Variants in MPP3 observed in about 807,000 individuals in gnomAD.
The protein encoded by MPP3 is MAGUK p55 scaffold protein 3.
Under a neutral mutation model 80.7 loss-of-function variants are expected in MPP3, and 48 were observed. The ratio of observed to expected loss-of-function variants is 0.59; its 90% CI spans 0.47 to 0.76. The LOEUF (loss-of-function observed/expected upper bound fraction) is 0.76. Among genes scored for constraint, MPP3 ranks in the 30% least tolerant of loss-of-function variants. MPP3 has a pLI of 0.00. For missense variants in MPP3, 620 were observed against 763.0 expected (o/e 0.81, Z 2.21); for synonymous variants, 311 against 297.6 (o/e 1.04, Z -0.46).
intron 19 of MPP3, among the ~76,000 whole-genome samples, chr17:43,807,239 C>G (rs2154591136): frequency 6.6e-6 from 1 of 152,024 alleles, no homozygotes; most frequent in South Asian, 2.1e-4. Context: ...TCCCAAAGTG[C>G]TGGGATTATA....
intron 19 of MPP3, among the ~76,000 whole-genome samples, chr17:43,808,268 C>T (rs921307442): frequency 3.3e-5 from 5 of 152,160 alleles, no homozygotes; most frequent in Non-Finnish European, 7.4e-5. Flanking sequence ...AAAGTCTATT[C>T]TGGGACTGAG....
intron 16 of MPP3, among the ~76,000 whole-genome samples, chr17:43,812,791 G>C (rs575836034): frequency 6.6e-6 from 1 of 152,310 alleles, no homozygotes; most frequent in South Asian, 2.1e-4. Context: ...AGCAACCTCT[G>C]CATGTCCTGT....
chr17:43,829,980 C>T (rs1472597928), intron 6 of MPP3, 47 bp downstream of exon 6: 2 of 1,593,280 alleles, frequency 1.3e-6, no homozygotes, highest in Non-Finnish European at 1.7e-6. Flanking sequence ...CCGCCCCCAT[C>T]CCAGGAGACC....
At chr17:43,827,934 AG>A in intron 7 of MPP3, 102 bp from the exon 8 acceptor site, 1 of 1,071,334 alleles carries the variant, frequency 9.3e-7, no homozygotes, top group Admixed American at 1.8e-5. Context: ...TCCCTCTGAC[AG>A]TCCAGAGAGA....
intron 10 of MPP3, 76 bp downstream of exon 10, chr17:43,823,855 G>A: frequency 9.8e-7 from 1 of 1,022,044 alleles, no homozygotes; most frequent in Admixed American, 2.0e-5. Flanking sequence ...CAAGAGACTG[G>A]ACTGGATCCA....
intron 4 of MPP3, 72 bp downstream of exon 4, chr17:43,831,487 G>A: frequency 1.6e-5 from 21 of 1,344,878 alleles, no homozygotes; most frequent in Non-Finnish European, 2.1e-5. Flanking sequence ...TGACTAGGAT[G>A]ACCTCAGACG....
At chr17:43,817,408 C>T (rs2045198433) in intron 12 of MPP3, among the ~76,000 whole-genome samples, 1 of 152,178 alleles carries the variant, frequency 6.6e-6, no homozygotes, top group Admixed American at 6.5e-5. Context: ...AAGTGCTACA[C>T]GGTGTAGAGT....
intron 18 of MPP3, 114 bp downstream of exon 18, chr17:43,810,693 C>T: frequency 1.4e-6 from 1 of 700,280 alleles, no homozygotes; most frequent in Admixed American, 2.7e-5. Flanking sequence ...AATTGAACAG[C>T]CAGTGTTCTA....
chr17:43,809,086 A>G lies in MPP3; in HGVS notation c.1459-8T>C. On this transcript the variant is annotated splice_polypyrimidine_tract_variant and splice_region_variant and intron_variant, in intron 18 of 19. Coordinates refer to ENST00000398389, the MANE Select transcript of MPP3 (RefSeq NM_001932.6). ...CCTCAGTTGTTTCAGTGCCTGAGAA[A>G]GAAAGTTCAGGAATATTATATACTT... 1.3e-6 allele frequency: 2 copies of G among 1,579,464 alleles called. No homozygotes were observed. The highest frequency in any genetic ancestry group is 1.7e-6 in the Non-Finnish European group (2 of 1,171,060).
intron 10 of MPP3, 65 bp downstream of exon 10, chr17:43,823,866 G>GC: frequency 5.1e-6 from 6 of 1,173,912 alleles, no homozygotes; most frequent in Non-Finnish European, 5.0e-6. Flanking sequence ...ACTGGATCCA[G>GC]CCCCCAGCCA....
intron 10 of MPP3, among the ~76,000 whole-genome samples, chr17:43,821,668 G>T (rs1320578919): frequency 1.3e-5 from 2 of 152,190 alleles, no homozygotes; most frequent in African/African-American, 4.8e-5. Context: ...CTCTGGAGAA[G>T]ATGGTGTGAG....
intron 5 of MPP3, 123 bp from the exon 6 acceptor site, chr17:43,830,230 C>G: frequency 3.5e-6 from 2 of 575,086 alleles, no homozygotes; most frequent in Non-Finnish European, 5.7e-6. Flanking sequence ...AGACCCTCAA[C>G]CACCCGACGA....
At position 43,823,046 on chromosome 17, in the gene MPP3, C is replaced by T. The variant is rs576109671; in HGVS notation, c.684+885G>A. 7.9e-5 allele frequency among the ~76,000 whole-genome samples: 12 copies of T among 152,232 alleles called. No individual in the cohort carries two copies. In the South Asian group the frequency reaches 2.3e-3, roughly 29 times the overall value. The stretch of plus-strand genomic sequence containing the variant: ...TCCAGCTGCCCATAGTGGTAACCTG[C>T]TTGATAACACACCCTTAGTCAGATT... On this transcript the variant is annotated intron_variant, in intron 10 of 19. Coordinates refer to ENST00000398389, the MANE Select transcript of MPP3 (RefSeq NM_001932.6).
chr17:43,816,555 G>A, intron 13 of MPP3, 122 bp downstream of exon 13: 1 of 905,494 alleles, frequency 1.1e-6, no homozygotes, highest in Non-Finnish European at 1.8e-6. Flanking sequence ...GCAGGAAGAG[G>A]TGCGCAGACA....
intron 11 of MPP3, among the ~76,000 whole-genome samples, chr17:43,820,035 T>G (rs1364350088): frequency 6.6e-6 from 1 of 152,074 alleles, no homozygotes; most frequent in Non-Finnish European, 1.5e-5. Context: ...GCCTTGACCT[T>G]TTTGGGCTCA....
Position 43,814,191 on chromosome 17 carries a change from A to C in MPP3, c.1174+6T>G, listed in dbSNP as rs1598336449. 6.2e-7 allele frequency: 1 copy of C among 1,612,656 alleles called. No individual in the cohort carries two copies. The highest frequency in any genetic ancestry group is 1.1e-5 in the South Asian group (1 of 90,858). On this transcript the variant is annotated splice_donor_region_variant and intron_variant, in intron 15 of 19. Transcript: ENST00000398389. The stretch of plus-strand genomic sequence containing the variant: ...TCACTTCCTGGAAACCCAGGATGGC[A>C]CCTACCGATCAGAACCACCAGGCGG...
At chr17:43,819,395 A>C (rs1471789357) in intron 11 of MPP3, among the ~76,000 whole-genome samples, 1 of 152,268 alleles carries the variant, frequency 6.6e-6, no homozygotes, top group Admixed American at 6.5e-5. Context: ...ATAAAAGTGA[A>C]GAATTGGGAA....
intron 4 of MPP3, 26 bp from the exon 5 acceptor site, chr17:43,831,347 C>G (rs762286487): frequency 1.2e-6 from 2 of 1,605,184 alleles, no homozygotes; most frequent in Admixed American, 1.7e-5. Flanking sequence ...ATTTCAGATG[C>G]ACCCTGGACA....
intron 11 of MPP3, among the ~76,000 whole-genome samples, chr17:43,819,960 T>C (rs2045340249): frequency 6.6e-6 from 1 of 152,134 alleles, no homozygotes; most frequent in Non-Finnish European, 1.5e-5. Flanking sequence ...TTTGTTTTGT[T>C]TTTTGAGTCA....
Sources: allele counts gnomAD v4.1 joint callset (sites outside exome capture counted in the v4.1 genomes callset), GRCh38; gene constraint gnomAD v4.1.1; transcripts MANE v1.5; gene names NCBI Gene and HGNC (gene_info 2026-07-23, HGNC 2026-07-21).